ZNF738: variants seen among roughly 807,000 people sequenced by gnomAD.
ZNF738 encodes protein ZNF738.
ZNF738 carries 10 observed loss-of-function variants against 9.2 expected under a neutral mutation model. That is an observed-to-expected ratio of 1.09 (90% CI 0.67 to 1.85). The LOEUF (loss-of-function observed/expected upper bound fraction) is 1.85. Ranked by LOEUF, ZNF738 falls within the 40% of genes most tolerant of loss-of-function variation. The probability of loss-of-function intolerance (pLI) is 0.00; values close to 1 mark genes in which losing one functional copy is unlikely to be tolerated. For missense variants in ZNF738, 346 were observed against 283.6 expected (o/e 1.22, Z -1.58); for synonymous variants, 113 against 94.5 (o/e 1.20, Z -1.14).
intron 2 of ZNF738, among the ~76,000 whole-genome samples, chr19:21,366,957 T>A (rs1973789872): frequency 6.6e-6 from 1 of 152,214 alleles, no homozygotes; most frequent in Non-Finnish European, 1.5e-5. Flanking sequence ...TGACTTAGAA[T>A]ACCTAACCAT....
chr19:21,369,285 A>G (rs374528484), intron 2 of ZNF738, among the ~76,000 whole-genome samples: 1 of 151,588 alleles, frequency 6.6e-6, no homozygotes, highest in Non-Finnish European at 1.5e-5. Flanking sequence ...TTCTTTTTTT[A>G]TTTTTTGTAG....
chr19:21,386,500 C>T lies in ZNF738; in HGVS notation c.*2826C>T, dbSNP rs1694756810. ...CATAATTCATACTGGAGAGAAACCTCACAACTGTGAAGAATGTGGCAAAGC... is the reference window on the plus strand; with the variant it reads ...CATAATTCATACTGGAGAGAAACCTTACAACTGTGAAGAATGTGGCAAAGC... On this transcript the variant is annotated 3_prime_UTR_variant, in exon 5 of 5. Transcript: ENST00000683779. 5.7e-6 allele frequency: 2 copies of T among 348,868 alleles called. No individual in the cohort carries two copies. Among genetic ancestry groups the T allele is most frequent in the Admixed American group, 3.5e-5 (1 of 28,720 alleles). 21.6% of individuals were successfully genotyped at this position (348,868 alleles called of 1,614,324 possible).
chr19:21,375,478 G>A, intron 3 of ZNF738, 114 bp downstream of exon 3: 1 of 534,646 alleles, frequency 1.9e-6, no homozygotes, highest in Non-Finnish European at 3.4e-6. Flanking sequence ...TCTGATCCCT[G>A]TTTTCAAAAA....
chr19:21,381,784 C>T (rs148878410), intron 4 of ZNF738: 2,862 of 284,050 alleles, frequency 0.01, 64 homozygotes, highest in African/African-American at 0.049. Flanking sequence ...TGAGCCACCG[C>T]GCCTGGCCAG....
chr19:21,370,460 T>G, intron 2 of ZNF738, among the ~76,000 whole-genome samples: 1 of 152,212 alleles, frequency 6.6e-6, no homozygotes, highest in Non-Finnish European at 1.5e-5. Context: ...GTAGAAGTGG[T>G]ACCAACTCTA....
rs1974075500 is a variant in ZNF738, at chr19:21,386,998, C to T, written c.*3324C>T. ...GGGATTACAGGCATGAGCCACCACG[C>T]TCAGCCACTAGTCCTCAGATCTTAA... is the stretch of plus-strand genomic sequence containing the variant. On this transcript the variant is annotated 3_prime_UTR_variant, in exon 5 of 5. Coordinates refer to ENST00000683779, the MANE Select transcript of ZNF738 (RefSeq NM_001355237.2). The T allele has an allele frequency of 6.6e-6, 1 of 152,630 alleles. No individual in the cohort carries two copies. Among genetic ancestry groups the T allele is most frequent in the Non-Finnish European group, 1.5e-5 (1 of 68,380 alleles). The allele number at this position is 152,630 out of a possible 1,614,324, so 9.5% of individuals were successfully genotyped here. A position where few individuals can be genotyped will look rare whatever the true frequency, so the allele number is the denominator to read the frequency against.
intron 2 of ZNF738, among the ~76,000 whole-genome samples, chr19:21,363,611 A>C (rs1209357033): frequency 2.6e-5 from 4 of 152,130 alleles, no homozygotes. Flanking sequence ...TTCTAGACCC[A>C]GGCACGGTGG....
chr19:21,375,872 T>G lies in ZNF738; in HGVS notation c.227T>G (p.Ile76Ser). ...ENFRNLVFLGIDVSKPDLITC... is the reference protein window; with the variant it reads ...ENFRNLVFLGSDVSKPDLITC... ...TTATTTATTTTTAATAAATCAGGTA[T>G]TGATGTCTCTAAGCCAGATCTGATC... Residue 76 changes from isoleucine (I) to serine (S), a missense_variant, in exon 4 of 5, where the codon ATT (isoleucine) becomes AGT (serine). Coordinates refer to ENST00000683779, the MANE Select transcript of ZNF738 (RefSeq NM_001355237.2). 1.3e-6 allele frequency: 1 copy of G among 785,352 alleles called. No homozygotes were observed. Among genetic ancestry groups the G allele is most frequent in the East Asian group, 2.4e-5 (1 of 41,072 alleles). 48.6% of individuals were successfully genotyped at this position (785,352 alleles called of 1,614,324 possible).
chr19:21,364,327 T>C (rs7245848), intron 2 of ZNF738, among the ~76,000 whole-genome samples: 31,497 of 151,362 alleles, frequency 0.21, 3,420 homozygotes, highest in Non-Finnish European at 0.24. Context: ...TTAGAAAGAA[T>C]GGAGGAGAAT....
chr19:21,365,117 T>C (rs939997955), intron 2 of ZNF738, among the ~76,000 whole-genome samples: 2 of 152,022 alleles, frequency 1.3e-5, no homozygotes, highest in African/African-American at 4.8e-5. Context: ...TTGTAGACCA[T>C]ATAGGGTAAC....
intron 2 of ZNF738, among the ~76,000 whole-genome samples, chr19:21,368,632 A>G (rs1973817953): frequency 6.7e-6 from 1 of 150,076 alleles, no homozygotes; most frequent in South Asian, 2.1e-4. Context: ...TAATTTTTGT[A>G]TTTTTAGTAG....
chr19:21,383,488 AC>A lies in ZNF738; in HGVS notation c.945del (p.Tyr316ThrfsTer21), dbSNP rs887292059. ...KHKTIHAGEKPYKCEGCGKAF... is the reference protein window; with the variant it reads ...KHKTIHAGEKXYKCEGCGKAF... ...ATAAGACAATTCATGCTGGAGAGAA[AC>A]CCTACAAATGTGAAGGATGTGGCAA... On this transcript the variant is annotated frameshift_variant, in exon 5 of 5. Transcript: ENST00000683779. LOFTEE classifies it low-confidence loss of function (END_TRUNC). 2 of 815,364 alleles carry A rather than the reference AC, an allele frequency of 2.5e-6. No homozygotes were observed. The highest frequency in any genetic ancestry group is 3.3e-5 in the African/African-American group (2 of 60,292). 50.5% of individuals were successfully genotyped at this position (815,364 alleles called of 1,614,324 possible).
intron 4 of ZNF738, among the ~76,000 whole-genome samples, chr19:21,380,247 T>G (rs1973987299): frequency 6.6e-6 from 1 of 152,222 alleles, no homozygotes; most frequent in African/African-American, 2.4e-5. Context: ...GGTTTTAAAA[T>G]TCTTCCCACT....
rs773665726 is a variant in ZNF738 at position 21,385,078 on chromosome 19, C to G, written c.*1404C>G. 6.6e-6 allele frequency among the ~76,000 whole-genome samples: 1 copy of G among 152,070 alleles called. No individual in the cohort carries two copies. The highest frequency in any genetic ancestry group is 1.5e-5 in the Non-Finnish European group (1 of 68,012). The stretch of plus-strand genomic sequence containing the variant: ...AAAGATAAAAGAGTTTGACTGGGTG[C>G]GGTGGCTCATGCCTGTAATCCCAGC... On this transcript the variant is annotated 3_prime_UTR_variant, in exon 5 of 5. Coordinates refer to ENST00000683779, the MANE Select transcript of ZNF738 (RefSeq NM_001355237.2).
chr19:21,384,354 G>A lies in ZNF738; in HGVS notation c.*680G>A, dbSNP rs1325160318. On this transcript the variant is annotated 3_prime_UTR_variant, in exon 5 of 5. Transcript: ENST00000683779. ...CTACAAGTGTGAAGAATGTGGCAAA[G>A]CCTTTAATGTATTCTCAACCCTTAC... Among the ~76,000 whole-genome samples the A allele has an allele frequency of 2.0e-5, 3 of 152,214 alleles. No homozygotes were observed. The highest frequency in any genetic ancestry group is 3.9e-4 in the East Asian group (2 of 5,164).
intron 4 of ZNF738, chr19:21,377,582 CT>C (rs1335618291): frequency 4.2e-6 from 2 of 481,596 alleles, no homozygotes; most frequent in Non-Finnish European, 7.3e-6. Context: ...TGTTTAATGT[CT>C]TTCTTTGTCT....
At position 21,384,722 on chromosome 19, in the gene ZNF738, TA is replaced by T. The variant is rs1974046828; in HGVS notation, c.*1050del. Among the ~76,000 whole-genome samples, 1 of 152,214 alleles carries T rather than the reference TA, an allele frequency of 6.6e-6. No individual in the cohort carries two copies. Among genetic ancestry groups the T allele is most frequent in the Non-Finnish European group, 1.5e-5 (1 of 68,040 alleles). On this transcript the variant is annotated 3_prime_UTR_variant, in exon 5 of 5. Coordinates refer to ENST00000683779, the MANE Select transcript of ZNF738 (RefSeq NM_001355237.2). ...ACCAGTCCTCAACTCTTACTAGACATAAGAGAGTTCATACTGGAGAGAAACC... is the reference window on the plus strand; with the variant it reads ...ACCAGTCCTCAACTCTTACTAGACATAGAGAGTTCATACTGGAGAGAAACC...
chr19:21,369,532 A>G (rs1375405182), intron 2 of ZNF738, among the ~76,000 whole-genome samples: 3 of 152,332 alleles, frequency 2.0e-5, no homozygotes, highest in South Asian at 4.1e-4. Flanking sequence ...TAAGTCTTCA[A>G]TTCAGGTTGA....
intron 2 of ZNF738, chr19:21,371,834 C>T (rs1427430356): frequency 1.3e-5 from 2 of 151,918 alleles, no homozygotes; most frequent in African/African-American, 4.8e-5. Flanking sequence ...TAAAATTATC[C>T]TAGAAAACTT....
Sources: allele counts gnomAD v4.1 joint callset (sites outside exome capture counted in the v4.1 genomes callset), GRCh38; gene constraint gnomAD v4.1.1; transcripts MANE v1.5; gene names NCBI Gene and HGNC (gene_info 2026-07-23, HGNC 2026-07-21).